CALU: variants seen among roughly 807,000 people sequenced by gnomAD.
CALU encodes IEF SSP 9302.
In CALU, 13 loss-of-function variants were observed where a neutral mutation model predicts 37.5. That is an observed-to-expected ratio of 0.35 (90% confidence interval 0.23 to 0.55). CALU has a LOEUF of 0.55. Ranked by LOEUF, CALU falls within the 20% of genes least tolerant of loss-of-function variation. The pLI is 0.89. For synonymous variants in CALU, 114 were observed against 133.8 expected (o/e 0.85, Z 1.02); for missense variants, 282 against 391.7 (o/e 0.72, Z 2.36).
Position 128,767,636 on chromosome 7 carries a change from A to G in CALU, c.824A>G (p.Tyr275Cys), listed in dbSNP as rs1260889940. The change falls in exon 6 of 7, where the codon TAT (tyrosine) becomes TGT (cysteine). Residue 275 changes from tyrosine (Y) to cysteine (C), a missense_variant. By Grantham distance (194) the Tyr-to-Cys change is radical. Coordinates refer to ENST00000249364, the MANE Select transcript of CALU (RefSeq NM_001219.5). ...HAEAEARHLV[Y>C]ESDQNKDGKL... The stretch of plus-strand genomic sequence containing the variant: ...GAGGCAGAAGCCAGGCACCTGGTCT[A>G]TGAATCAGACCAAAACAAGGTAAGT... The G allele has an allele frequency of 4.3e-6, 7 of 1,614,022 alleles. No individual in the cohort carries two copies. The highest frequency in any genetic ancestry group is 2.7e-5 in the African/African-American group (2 of 74,946).
intron 6 of CALU, among the ~76,000 whole-genome samples, chr7:128,768,196 T>C (rs1202907641): frequency 1.3e-5 from 2 of 152,150 alleles, no homozygotes; most frequent in Non-Finnish European, 2.9e-5. Flanking sequence ...AGATTACTCC[T>C]GCCCTGCTTG....
intron 1 of CALU, among the ~76,000 whole-genome samples, chr7:128,740,503 A>C (rs190131326): frequency 4.7e-4 from 72 of 152,134 alleles, no homozygotes; most frequent in Non-Finnish European, 7.6e-4. Context: ...GACCTCACTC[A>C]GTAGATTTAA....
rs1012831963 is a variant in CALU at position 128,768,847 on chromosome 7, C to CAAAAAAAAAAAAAAAAAAAAAA, written c.844-195_844-194insAAAAAAAAAAAAAAAAAAAAAA. On this transcript the variant is annotated intron_variant, in intron 6 of 6. Transcript: ENST00000249364. ...GGGCAACAAGAGCGAAACTCCGTCT[C>CAAAAAAAAAAAAAAAAAAAAAA]AAAAAAAAAAAAAAAAAAAAACAAG... 2.5e-3 allele frequency among the ~76,000 whole-genome samples: 136 copies of CAAAAAAAAAAAAAAAAAAAAAA among 55,136 alleles called. 12 individuals are homozygous for CAAAAAAAAAAAAAAAAAAAAAA. Among genetic ancestry groups the CAAAAAAAAAAAAAAAAAAAAAA allele is most frequent in the African/African-American group, 4.6e-3 (53 of 11,550 alleles). The allele number at this position is 55,136 out of a possible 152,430, so 36.2% of individuals were successfully genotyped here.
intron 6 of CALU, among the ~76,000 whole-genome samples, chr7:128,768,379 G>T (rs1801411482): frequency 6.6e-6 from 1 of 152,124 alleles, no homozygotes; most frequent in Non-Finnish European, 1.5e-5. Flanking sequence ...TGTGTCCTGA[G>T]ATGTATGAGA....
rs1244415632 is a variant in CALU, at chr7:128,767,591, C to T, written c.779C>T (p.Pro260Leu). 1 of 1,614,122 alleles carries T rather than the reference C, an allele frequency of 6.2e-7. No individual in the cohort carries two copies. Among genetic ancestry groups the T allele is most frequent in the Non-Finnish European group, 8.5e-7 (1 of 1,179,994 alleles). ...DKEETKDWILPSDYDHAEAEA... is the reference protein window; with the variant it reads ...DKEETKDWILLSDYDHAEAEA... ...GAAGAGACCAAAGACTGGATCCTTC[C>T]CTCAGACTATGATCATGCAGAGGCA... The change falls in exon 6 of 7, where the codon CCC becomes CTC. Residue 260 changes from proline (P) to leucine (L), a missense_variant. Physicochemically the swap from Pro to Leu is moderately conservative, Grantham distance 98. Transcript: ENST00000249364.
At chr7:128,766,118 C>T (rs376773488) in intron 5 of CALU, among the ~76,000 whole-genome samples, 33 of 152,104 alleles carry the variant, frequency 2.2e-4, no homozygotes, top group African/African-American at 5.1e-4. Context: ...CCAGCACGCC[C>T]GGCTAATTTT....
At chr7:128,766,498 G>A (rs193169274) in intron 5 of CALU, among the ~76,000 whole-genome samples, 2 of 142,844 alleles carry the variant, frequency 1.4e-5, no homozygotes, top group Non-Finnish European at 3.0e-5. Context: ...ATATGATCTC[G>A]GCTCACTGCA....
intron 3 of CALU, 164 bp downstream of exon 3, chr7:128,754,619 C>A (rs1046361375): frequency 2.3e-5 from 35 of 1,551,464 alleles, no homozygotes; most frequent in Non-Finnish European, 3.1e-5. Context: ...AGAAGAAATA[C>A]ATATATGACA....
At chr7:128,757,391 G>GTGTGTA (rs1357201925) in intron 3 of CALU, among the ~76,000 whole-genome samples, 2 of 151,612 alleles carry the variant, frequency 1.3e-5, no homozygotes, top group Non-Finnish European at 2.9e-5. Flanking sequence ...GTGTGTGTGT[G>GTGTGTA]TACACAGGAT....
intron 6 of CALU, among the ~76,000 whole-genome samples, chr7:128,768,801 C>T (rs866119591): frequency 2.9e-5 from 4 of 139,568 alleles, no homozygotes; most frequent in African/African-American, 8.4e-5. Flanking sequence ...GAGCTGAGAT[C>T]GCGCCATTGC....
Position 128,769,131 on chromosome 7 carries a change from T to C in CALU, c.912T>C (p.Asp304=). ...TATTTGTTGGCAGCCAGGCCACAGA[T>C]TTTGGGGAGGCCTTAGTACGGCATG... The part of the protein sequence containing the change: ...YDLFVGSQAT[D]FGEALVRHDE... Residue 304 remains aspartate, a synonymous_variant, in exon 7 of 7, where the codon GAT becomes GAC. Coordinates refer to ENST00000249364, the MANE Select transcript of CALU (RefSeq NM_001219.5). 6.2e-7 allele frequency: 1 copy of C among 1,611,770 alleles called. No individual in the cohort carries two copies. The highest frequency in any genetic ancestry group is 8.5e-7 in the Non-Finnish European group (1 of 1,177,982).
intron 5 of CALU, among the ~76,000 whole-genome samples, chr7:128,764,273 C>CAA (rs60619101): frequency 5.7e-4 from 86 of 150,148 alleles, no homozygotes; most frequent in African/African-American, 1.7e-3. Context: ...ACAAAAAATA[C>CAA]AAAAAAAAAG....
At chr7:128,755,258 G>A (rs1289305204) in intron 3 of CALU, among the ~76,000 whole-genome samples, 1 of 130,860 alleles carries the variant, frequency 7.6e-6, no homozygotes, top group Non-Finnish European at 1.6e-5. Flanking sequence ...GCAGCTGCGA[G>A]CCATGATTGC....
intron 5 of CALU, among the ~76,000 whole-genome samples, chr7:128,764,391 A>C (rs896311052): frequency 6.6e-6 from 1 of 151,474 alleles, no homozygotes; most frequent in Non-Finnish European, 1.5e-5. Flanking sequence ...GTACCACTGC[A>C]CTCCAGCCTG....
At position 128,770,133 on chromosome 7, in the gene CALU, T is replaced by C. The variant is rs1801502357; in HGVS notation, c.*966T>C. ...ATTAAAATTCACTCCTTTCCAATCA[T>C]GTCATTGAAAGTGCCTTTAACGAAA... On this transcript the variant is annotated 3_prime_UTR_variant, in exon 7 of 7. Coordinates refer to ENST00000249364, the MANE Select transcript of CALU (RefSeq NM_001219.5). 6.6e-6 allele frequency: 1 copy of C among 152,622 alleles called. No homozygotes were observed. Among genetic ancestry groups the C allele is most frequent in the Non-Finnish European group, 1.5e-5 (1 of 68,040 alleles). The allele number at this position is 152,622 out of a possible 1,614,324, so 9.5% of individuals were successfully genotyped here.
rs1242996950 is a variant in CALU, at chr7:128,767,451, C to T, written c.644-5C>T. 4 of 1,606,056 alleles carry T rather than the reference C, an allele frequency of 2.5e-6. No individual in the cohort carries two copies. The Admixed American group carries it at 5.0e-5, about 20-fold the overall frequency. ...CTTCTTTTGTATGTATGTCTGTGTA[C>T]CCAGGTGACATGTACAGCCATGATG... On this transcript the variant is annotated splice_polypyrimidine_tract_variant and splice_region_variant and intron_variant, in intron 5 of 6. Coordinates refer to ENST00000249364, the MANE Select transcript of CALU (RefSeq NM_001219.5).
chr7:128,739,515 G>C (rs537281550), intron 1 of CALU, 83 bp downstream of exon 1: 1 of 152,766 alleles, frequency 6.5e-6, no homozygotes, highest in South Asian at 2.1e-4. Context: ...TTCTTGGCGC[G>C]GCAGGGGACT....
intron 5 of CALU, among the ~76,000 whole-genome samples, chr7:128,763,218 A>C (rs1429040240): frequency 2.6e-5 from 4 of 152,198 alleles, no homozygotes; most frequent in African/African-American, 4.8e-5. Context: ...CAAATCATCA[A>C]ATAGACTGAG....
intron 2 of CALU, among the ~76,000 whole-genome samples, chr7:128,750,051 C>T (rs757129513): frequency 5.9e-5 from 9 of 151,804 alleles, no homozygotes; most frequent in Non-Finnish European, 8.8e-5. Flanking sequence ...ACTGTGAAAC[C>T]CCATCTCTAC....
Sources: gnomAD v4.1 joint callset for allele counts (sites outside exome capture counted in the v4.1 genomes callset) on GRCh38, gnomAD v4.1.1 for gene constraint, MANE v1.5 for transcripts, NCBI Gene and HGNC (gene_info 2026-07-23, HGNC 2026-07-21) for gene names.